The following OTULINL variants were observed in gnomAD, a reference collection of about 807,000 sequenced individuals.
OTULINL encodes the protein OTU deubiquitinase with linear linkage specificity like, also known as inactive ubiquitin thioesterase OTULINL.
Under a neutral mutation model 43.9 loss-of-function variants are expected in OTULINL, and 42 were observed. The observed-to-expected ratio is 0.96, with a 90% CI of 0.75 to 1.24. The LOEUF (loss-of-function observed/expected upper bound fraction) is 1.24, where lower values mean the gene tolerates loss of function less well. Among genes scored for constraint, OTULINL ranks in the 50% most tolerant of loss-of-function variants. The pLI is 0.00. For missense variants in OTULINL, 411 were observed against 426.4 expected, an observed-to-expected ratio of 0.96 and a Z score of 0.32; for synonymous variants, 172 against 153.6, an observed-to-expected ratio of 1.12 and a Z score of -0.88.
chr5:14,590,181 C>G (rs1375476112), intron 1 of OTULINL, among the ~76,000 whole-genome samples: 2 of 152,122 alleles, frequency 1.3e-5, no homozygotes, highest in African/African-American at 4.8e-5. Flanking sequence ...TGATTGGCAT[C>G]TGATGATGTA....
intron 1 of OTULINL, among the ~76,000 whole-genome samples, chr5:14,588,435 C>A (rs1211950516): frequency 6.6e-6 from 1 of 152,098 alleles, no homozygotes; most frequent in African/African-American, 2.4e-5. Context: ...ATGACCACTT[C>A]ACATTCTCAC....
chr5:14,585,970 G>A (rs947459846), intron 1 of OTULINL, among the ~76,000 whole-genome samples: 3 of 152,224 alleles, frequency 2.0e-5, no homozygotes, highest in African/African-American at 7.2e-5. Flanking sequence ...GACAACTCTT[G>A]CAGGTCTGGG....
At chr5:14,586,257 C>T (rs551460828) in intron 1 of OTULINL, among the ~76,000 whole-genome samples, 6 of 152,288 alleles carry the variant, frequency 3.9e-5, no homozygotes, top group African/African-American at 1.2e-4. Context: ...TTAAATGGTG[C>T]TTCTAAATAA....
chr5:14,602,701 G>T (rs951713314), intron 5 of OTULINL, among the ~76,000 whole-genome samples: 1 of 152,144 alleles, frequency 6.6e-6, no homozygotes, highest in Non-Finnish European at 1.5e-5. Flanking sequence ...CTCCTAGAGT[G>T]CTTGGATTAT....
rs752319072 is a variant in OTULINL, at chr5:14,610,229, G to A, written c.986G>A (p.Cys329Tyr). 1.1e-5 allele frequency: 17 copies of A among 1,613,864 alleles called. No individual in the cohort carries two copies. Among genetic ancestry groups the A allele is most frequent in the Non-Finnish European group, 1.4e-5 (17 of 1,179,964 alleles). Residue 329 changes from cysteine to tyrosine, a missense_variant, in exon 8 of 8, where the codon TGC becomes TAC. Transcript: ENST00000274217. The part of the protein sequence containing the change: ...FKFNSRDFEV[C>Y]YPEEPLRDWP... Reference sequence around the variant, plus strand: ...TTTAACTCCAGAGACTTTGAAGTCTGCTACCCAGAGGAGCCTCTCAGGGAC... The same window carrying A: ...TTTAACTCCAGAGACTTTGAAGTCTACTACCCAGAGGAGCCTCTCAGGGAC...
intron 1 of OTULINL, among the ~76,000 whole-genome samples, chr5:14,582,379 G>T (rs1401552429): frequency 6.6e-6 from 1 of 152,098 alleles, no homozygotes; most frequent in Non-Finnish European, 1.5e-5. Flanking sequence ...GTGTCCTCTC[G>T]GGGAGCTCGA....
chr5:14,583,948 G>C (rs981678295), intron 1 of OTULINL, among the ~76,000 whole-genome samples: 1 of 152,126 alleles, frequency 6.6e-6, no homozygotes, highest in African/African-American at 2.4e-5. Flanking sequence ...GGTATGTTAG[G>C]ATATTGAAAA....
intron 2 of OTULINL, 32 bp downstream of exon 2, chr5:14,601,156 TG>T (rs1759382319): frequency 6.2e-7 from 1 of 1,611,382 alleles, no homozygotes; most frequent in Admixed American, 1.7e-5. Context: ...AAATTTCAAA[TG>T]TATCTTTACT....
At chr5:14,606,358 G>C (rs1759475689) in intron 5 of OTULINL, among the ~76,000 whole-genome samples, 2 of 152,178 alleles carry the variant, frequency 1.3e-5, no homozygotes, top group Non-Finnish European at 2.9e-5. Context: ...GGGAATTCAA[G>C]ATGAGATTTG....
At chr5:14,597,144 A>G (rs1458209868) in intron 1 of OTULINL, among the ~76,000 whole-genome samples, 1 of 152,182 alleles carries the variant, frequency 6.6e-6, no homozygotes, top group East Asian at 1.9e-4. Context: ...AAGGGTTACT[A>G]GAGTAATAAC....
chr5:14,603,828 G>A (rs1759428221), intron 5 of OTULINL, among the ~76,000 whole-genome samples: 1 of 152,110 alleles, frequency 6.6e-6, no homozygotes, highest in Non-Finnish European at 1.5e-5. Context: ...TATTTTAAAT[G>A]CAGTATGTCT....
chr5:14,608,194 A>G (rs529849369), intron 6 of OTULINL, among the ~76,000 whole-genome samples: 25 of 152,224 alleles, frequency 1.6e-4, no homozygotes, highest in Non-Finnish European at 2.5e-4. Flanking sequence ...TATCTAAACT[A>G]ATTTCTTATT....
chr5:14,588,188 A>G (rs115182625), intron 1 of OTULINL, among the ~76,000 whole-genome samples: 1,628 of 152,266 alleles, frequency 0.011, 30 homozygotes, highest in African/African-American at 0.036. Context: ...TTATTTCACA[A>G]CTATTTCCAA....
Position 14,582,630 on chromosome 5 carries a change from A to G in OTULINL, c.64+672A>G, listed in dbSNP as rs182718342. Among the ~76,000 whole-genome samples, 634 of 152,136 alleles carry G rather than the reference A, an allele frequency of 4.2e-3. 6 individuals are homozygous for G. The highest frequency in any genetic ancestry group is 0.014 in the African/African-American group (590 of 41,508). On this transcript the variant is annotated intron_variant, in intron 1 of 7. Coordinates refer to ENST00000274217, the MANE Select transcript of OTULINL (RefSeq NM_019018.3). ...CCAGCATAGCGAAACCCTGGCCAGC[A>G]TAGTGAAACCTTGTCTCTACTAAAA...
In OTULINL at chr5:14,609,009, C is replaced by G. The variant is rs1305824540; in HGVS notation, c.889C>G (p.Leu297Val). The change falls in exon 7 of 8, where the codon CTA becomes GTA. Residue 297 changes from leucine to valine, a missense_variant. Coordinates refer to ENST00000274217, the MANE Select transcript of OTULINL (RefSeq NM_019018.3). ...GAATTCTGTAGGCGACACATGTGGA[C>G]TAGAGCAGGTAACCGGGGAGGAAGA... is the stretch of plus-strand genomic sequence containing the variant. Reference protein sequence around the residue: ...HLNSVGDTCGLEQIDMFILGY... With the variant: ...HLNSVGDTCGVEQIDMFILGY... The G allele has an allele frequency of 1.9e-6, 3 of 1,606,118 alleles. No homozygotes were observed. The highest frequency in any genetic ancestry group is 2.6e-6 in the Non-Finnish European group (3 of 1,174,572).
intron 1 of OTULINL, among the ~76,000 whole-genome samples, chr5:14,596,549 T>A (rs182130795): frequency 1.2e-3 from 181 of 152,358 alleles, no homozygotes; most frequent in African/African-American, 3.0e-3. Context: ...TAATTTTTTT[T>A]AAATTTTCCT....
chr5:14,602,389 G>T, intron 5 of OTULINL, 57 bp downstream of exon 5: 1 of 1,522,150 alleles, frequency 6.6e-7, no homozygotes. Flanking sequence ...CTGCAACTCA[G>T]ACTCCTAGTC....
chr5:14,596,151 T>C (rs28580653), intron 1 of OTULINL, among the ~76,000 whole-genome samples: 3,183 of 152,274 alleles, frequency 0.021, 110 homozygotes, highest in African/African-American at 0.072. Flanking sequence ...TCTGGAGATT[T>C]TTTTTGCCAA....
rs1322399011 is a variant in OTULINL, at chr5:14,581,977, G to C, written c.64+19G>C. On this transcript the variant is annotated intron_variant, in intron 1 of 7. Coordinates refer to ENST00000274217, the MANE Select transcript of OTULINL (RefSeq NM_019018.3). ...GCCGCAGGTGAGCCTGGGGCCGGGC[G>C]GGGCGGGGCGGGGGGCGCGAGCAGG... 3.2e-5 allele frequency: 40 copies of C among 1,253,886 alleles called. No individual in the cohort carries two copies. The highest frequency in any genetic ancestry group is 1.1e-4 in the South Asian group (4 of 37,850). 77.7% of individuals were successfully genotyped at this position (1,253,886 alleles called of 1,614,324 possible). A position where few individuals can be genotyped will look rare whatever the true frequency, so the allele number is the denominator to read the frequency against.
Sources: allele counts gnomAD v4.1 joint callset (sites outside exome capture counted in the v4.1 genomes callset), GRCh38; gene constraint gnomAD v4.1.1; transcripts MANE v1.5; gene names NCBI Gene and HGNC (gene_info 2026-07-23, HGNC 2026-07-21).